Variants in NUFIP2 observed in about 807,000 individuals in gnomAD.
NUFIP2 encodes nuclear FMR1 interacting protein 2.
A neutral mutation model predicts 56.9 loss-of-function variants in NUFIP2; 6 were observed. That is an observed-to-expected ratio of 0.11 (90% CI 0.06 to 0.21). The LOEUF (loss-of-function observed/expected upper bound fraction) is 0.21. Ranked by LOEUF, NUFIP2 falls within the 10% of genes least tolerant of loss-of-function variation. The probability of loss-of-function intolerance (pLI) is 1.00; values close to 1 mark genes in which losing one functional copy is unlikely to be tolerated. For missense variants in NUFIP2, 828 were observed against 826.8 expected (o/e 1.00, Z -0.02); for synonymous variants, 321 against 298.2 (o/e 1.08, Z -0.79).
chr17:29,275,146 A>C (rs2069099880), intron 2 of NUFIP2, among the ~76,000 whole-genome samples: 1 of 151,494 alleles, frequency 6.6e-6, no homozygotes, highest in Non-Finnish European at 1.5e-5. Flanking sequence ...AGCCCCCCCC[A>C]AGCAGCTGGG....
rs2069234677 is a variant in NUFIP2, at chr17:29,293,876, C to T, written c.184G>A (p.Ala62Thr). 2.5e-6 allele frequency: 4 copies of T among 1,613,806 alleles called. No homozygotes were observed. Among genetic ancestry groups the T allele is most frequent in the Middle Eastern group, 1.6e-4 (1 of 6,062 alleles). Residue 62 changes from alanine (A) to threonine (T), a missense_variant, in exon 1 of 4, where the codon GCC (alanine) becomes ACC (threonine). Ala to Thr is a moderately conservative substitution (Grantham distance 58). Transcript: ENST00000225388. ...GGCTGGGCCTTGGGGCTGCCCTCGG[C>T]TCCATGCTGCAGGTATTGGTGAGGC... ...QQPHQYLQHG[A>T]EGSPKAQPKP... is the part of the protein sequence containing the mutation.
Position 29,286,991 on chromosome 17 carries a change from T to C in NUFIP2, c.1003A>G (p.Thr335Ala). 1.2e-6 allele frequency: 2 copies of C among 1,614,158 alleles called. No homozygotes were observed. The highest frequency in any genetic ancestry group is 1.7e-6 in the Non-Finnish European group (2 of 1,180,038). ...AAAACTGGGGGTGGTTTAAATAGGGTCCACGAGTCCTCTTTGGAGGCAACA... is the reference window on the plus strand; with the variant it reads ...AAAACTGGGGGTGGTTTAAATAGGGCCCACGAGTCCTCTTTGGAGGCAACA... Reference protein sequence around the residue: ...SAVASKEDSWTLFKPPPVFPV... With the variant: ...SAVASKEDSWALFKPPPVFPV... Residue 335 changes from threonine (T) to alanine (A), a missense_variant, in exon 2 of 4, where the codon ACC becomes GCC. By Grantham distance (58) the Thr-to-Ala change is moderately conservative (BLOSUM62 0). Transcript: ENST00000225388.
Position 29,259,592 on chromosome 17 carries a change from G to C in NUFIP2, c.*4947C>G, listed in dbSNP as rs796880169. ...GTCCGTCTCAAAAAAAAAAAGGTGG[G>C]GGGGGGGGGGATACTGCAGTATTAT... On this transcript the variant is annotated 3_prime_UTR_variant, in exon 4 of 4. Coordinates refer to ENST00000225388, the MANE Select transcript of NUFIP2 (RefSeq NM_020772.3). The C allele has an allele frequency of 2.9e-5, 2 of 69,306 alleles. No individual in the cohort carries two copies. The highest frequency in any genetic ancestry group is 5.8e-5 in the Non-Finnish European group (2 of 34,382). 4.3% of individuals were successfully genotyped at this position (69,306 alleles called of 1,614,324 possible).
intron 2 of NUFIP2, among the ~76,000 whole-genome samples, chr17:29,270,642 A>AT: frequency 6.6e-6 from 1 of 152,080 alleles, no homozygotes; most frequent in Non-Finnish European, 1.5e-5. Context: ...CTTGATATTC[A>AT]TTTTGTCTAC....
At chr17:29,281,539 A>G (rs2069139613) in intron 2 of NUFIP2, among the ~76,000 whole-genome samples, 1 of 151,576 alleles carries the variant, frequency 6.6e-6, no homozygotes, top group Non-Finnish European at 1.5e-5. Flanking sequence ...ATAAAAAGCT[A>G]AAAGAGGCCA....
rs1022320390 is a variant in NUFIP2, at chr17:29,263,862, C to T, written c.*677G>A. 3.3e-5 allele frequency: 5 copies of T among 152,510 alleles called. No homozygotes were observed. Among genetic ancestry groups the T allele is most frequent in the African/African-American group, 1.2e-4 (5 of 41,382 alleles). 9.4% of individuals were successfully genotyped at this position (152,510 alleles called of 1,614,324 possible). Reference sequence around the variant, plus strand: ...CAGAATTGTAGAACTTCAATGCCCTCCCCTATCCCCGCCCCACAAAAAATA... The same window carrying T: ...CAGAATTGTAGAACTTCAATGCCCTTCCCTATCCCCGCCCCACAAAAAATA... On this transcript the variant is annotated 3_prime_UTR_variant, in exon 4 of 4. Coordinates refer to ENST00000225388, the MANE Select transcript of NUFIP2 (RefSeq NM_020772.3).
At chr17:29,288,838 G>C (rs2069193617) in intron 1 of NUFIP2, among the ~76,000 whole-genome samples, 1 of 152,216 alleles carries the variant, frequency 6.6e-6, no homozygotes, top group Non-Finnish European at 1.5e-5. Flanking sequence ...CAATTTTTTA[G>C]TGTTATGGTA....
chr17:29,290,671 AG>A (rs2069206476), intron 1 of NUFIP2, among the ~76,000 whole-genome samples: 1 of 131,242 alleles, frequency 7.6e-6, no homozygotes, highest in Non-Finnish European at 1.7e-5. Flanking sequence ...AAAAAAAGAA[AG>A]AAAGAAAGAA....
intron 2 of NUFIP2, among the ~76,000 whole-genome samples, chr17:29,278,927 T>G (rs2069124565): frequency 6.6e-6 from 1 of 152,206 alleles, no homozygotes; most frequent in African/African-American, 2.4e-5. Context: ...TTATCCCATA[T>G]TAGGAATTAT....
intron 1 of NUFIP2, among the ~76,000 whole-genome samples, chr17:29,290,802 G>A (rs1040056999): frequency 2.6e-5 from 4 of 151,884 alleles, no homozygotes; most frequent in Non-Finnish European, 1.5e-5. Context: ...ATGCTAACAG[G>A]TTAAACAAAG....
chr17:29,283,641 TCA>T (rs2153012248), intron 2 of NUFIP2, among the ~76,000 whole-genome samples: 1 of 152,284 alleles, frequency 6.6e-6, no homozygotes, highest in African/African-American at 2.4e-5. Flanking sequence ...CCTCTCAGGC[TCA>T]CACAATGATC....
chr17:29,268,744 G>A (rs577021957), intron 2 of NUFIP2, among the ~76,000 whole-genome samples: 2 of 151,810 alleles, frequency 1.3e-5, no homozygotes, highest in East Asian at 3.9e-4. Flanking sequence ...TGTGAGGCTG[G>A]TCTTGAACTC....
intron 2 of NUFIP2, among the ~76,000 whole-genome samples, chr17:29,271,181 T>C (rs1362554736): frequency 6.6e-6 from 1 of 152,084 alleles, no homozygotes; most frequent in East Asian, 1.9e-4. Context: ...GAGGGGGAAA[T>C]AGGGATGTAT....
At chr17:29,282,925 G>T (rs1032858307) in intron 2 of NUFIP2, among the ~76,000 whole-genome samples, 1 of 152,062 alleles carries the variant, frequency 6.6e-6, no homozygotes, top group African/African-American at 2.4e-5. Context: ...AAAGAAAAAT[G>T]AGTGGCCAAT....
intron 3 of NUFIP2, 140 bp from the exon 4 acceptor site, chr17:29,264,731 T>C: frequency 1.8e-6 from 1 of 547,828 alleles, no homozygotes; most frequent in Non-Finnish European, 3.3e-6. Context: ...TTCCTCCTTG[T>C]ACCAACACAT....
intron 2 of NUFIP2, among the ~76,000 whole-genome samples, chr17:29,268,276 AATTGCAAGG>A (rs1359077433): frequency 2.0e-5 from 3 of 152,228 alleles, no homozygotes; most frequent in African/African-American, 7.2e-5. Flanking sequence ...TGTCTTCACA[AATTGCAAGG>A]ACATGCAAGA....
Position 29,286,180 on chromosome 17 carries a change from TCTG to T in NUFIP2, c.1811_1813del (p.Ala604del). ...CACTAAAGCACCTTGACTACTGGTG[TCTG>T]CTTTCTGCAGGTCACCTATATGACT... On this transcript the variant is annotated inframe_deletion, in exon 2 of 4. Transcript: ENST00000225388. The T allele has an allele frequency of 6.2e-7, 1 of 1,613,996 alleles. No individual in the cohort carries two copies. The highest frequency in any genetic ancestry group is 8.5e-7 in the Non-Finnish European group (1 of 1,179,860).
At chr17:29,273,045 C>CAT (rs5819862) in intron 2 of NUFIP2, among the ~76,000 whole-genome samples, 45 of 148,768 alleles carry the variant, frequency 3.0e-4, no homozygotes, top group East Asian at 9.9e-4. Context: ...CACACACACA[C>CAT]ATATATATAT....
At position 29,263,038 on chromosome 17, in the gene NUFIP2, A is replaced by C. The variant is rs2069013196; in HGVS notation, c.*1501T>G. The C allele has an allele frequency of 6.6e-6, 1 of 152,600 alleles. No individual in the cohort carries two copies. The highest frequency in any genetic ancestry group is 2.1e-4 in the South Asian group (1 of 4,828). The allele number at this position is 152,600 out of a possible 1,614,324, so 9.5% of individuals were successfully genotyped here. On this transcript the variant is annotated 3_prime_UTR_variant, in exon 4 of 4. Transcript: ENST00000225388. Reference sequence around the variant, plus strand: ...GGGGATCCAGTCTACTTTTATCAGAAGACTACAACTCTTTATATAAATGCC... The same window carrying C: ...GGGGATCCAGTCTACTTTTATCAGACGACTACAACTCTTTATATAAATGCC...
Sources: allele counts gnomAD v4.1 joint callset (sites outside exome capture counted in the v4.1 genomes callset), GRCh38; gene constraint gnomAD v4.1.1; transcripts MANE v1.5; gene names NCBI Gene and HGNC (gene_info 2026-07-23, HGNC 2026-07-21).